The following MTA3 variants were observed in gnomAD, a reference collection of about 807,000 sequenced individuals.
The protein encoded by MTA3 is metastasis-associated protein MTA3.
A neutral mutation model predicts 83.5 loss-of-function variants in MTA3; 34 were observed. That is an observed-to-expected ratio of 0.41 (90% CI 0.31 to 0.54). MTA3 has a LOEUF of 0.54. Ranked by LOEUF, MTA3 falls within the 20% of genes least tolerant of loss-of-function variation. The pLI is 0.33. For missense variants in MTA3, 761 were observed against 726.4 expected, an observed-to-expected ratio of 1.05 and a Z score of -0.55; for synonymous variants, 303 against 252.7, an observed-to-expected ratio of 1.20 and a Z score of -1.89.
chr2:42,714,247 G>A (rs938456239), intron 14 of MTA3, among the ~76,000 whole-genome samples: 2 of 152,078 alleles, frequency 1.3e-5, no homozygotes, highest in Non-Finnish European at 2.9e-5. Context: ...TTACTGACTT[G>A]TGGGAACTTT....
intron 2 of MTA3, among the ~76,000 whole-genome samples, chr2:42,559,384 C>T (rs1286623137): frequency 1.3e-5 from 2 of 151,568 alleles, no homozygotes; most frequent in African/African-American, 4.9e-5. Flanking sequence ...CGCCTGTAAT[C>T]CCAGCTACTC....
chr2:42,577,226 C>T lies in MTA3; in HGVS notation c.97-1881C>T, dbSNP rs1246332818. On this transcript the variant is annotated intron_variant, in intron 2 of 16. Coordinates refer to ENST00000405094, the MANE Select transcript of MTA3 (RefSeq NM_001330442.2). ...TTAACAGTTGCAGACTGGCACTGGG[C>T]TGTAGACCCATGAGTAACCATGCTT... Among the ~76,000 whole-genome samples, 4 of 149,954 alleles carry T rather than the reference C, an allele frequency of 2.7e-5. No homozygotes were observed. The East Asian group carries it at 7.8e-4, about 29-fold the overall frequency.
chr2:42,738,019 T>C (rs937201378), intron 16 of MTA3, among the ~76,000 whole-genome samples: 2 of 152,152 alleles, frequency 1.3e-5, no homozygotes, highest in African/African-American at 4.8e-5. Flanking sequence ...CCCAACACTT[T>C]GGGAGGCCAA....
At chr2:42,526,479 A>G (rs979914569) in intron 2 of MTA3, among the ~76,000 whole-genome samples, 2 of 152,158 alleles carry the variant, frequency 1.3e-5, no homozygotes, top group Admixed American at 1.3e-4. Context: ...TATTGGCCCT[A>G]CCAACACTCA....
chr2:42,713,894 C>G (rs1166546941), intron 14 of MTA3, among the ~76,000 whole-genome samples: 1 of 152,142 alleles, frequency 6.6e-6, no homozygotes, highest in Admixed American at 6.5e-5. Flanking sequence ...GATATCATTT[C>G]ATACTGATGT....
chr2:42,657,800 C>T (rs1300047096), intron 7 of MTA3, among the ~76,000 whole-genome samples: 1 of 148,296 alleles, frequency 6.7e-6, no homozygotes, highest in Non-Finnish European at 1.5e-5. Context: ...GGCACAGTGG[C>T]TCACGCCGCC....
At chr2:42,632,524 A>G (rs1000558850) in intron 4 of MTA3, among the ~76,000 whole-genome samples, 11 of 152,130 alleles carry the variant, frequency 7.2e-5, no homozygotes, top group African/African-American at 1.2e-4. Flanking sequence ...GATCTTTCCA[A>G]TAGGTATTGA....
chr2:42,558,525 C>T (rs1677506779), intron 2 of MTA3, among the ~76,000 whole-genome samples: 2 of 151,510 alleles, frequency 1.3e-5, no homozygotes, highest in African/African-American at 2.4e-5. Context: ...GCTAGGATTA[C>T]AGGCATGAGG....
chr2:42,749,958 G>A (rs1669746687), intron 16 of MTA3, among the ~76,000 whole-genome samples: 1 of 152,040 alleles, frequency 6.6e-6, no homozygotes, highest in Admixed American at 6.6e-5. Context: ...TTTCTTCCCT[G>A]AGGATATTAA....
chr2:42,578,364 C>T (rs1461164218), intron 2 of MTA3, among the ~76,000 whole-genome samples: 5 of 152,070 alleles, frequency 3.3e-5, no homozygotes, highest in African/African-American at 1.2e-4. Flanking sequence ...TTTTTTGAAG[C>T]CATCATACTT....
intron 6 of MTA3, among the ~76,000 whole-genome samples, chr2:42,648,640 G>A (rs1488438943): frequency 6.6e-6 from 1 of 152,118 alleles, no homozygotes; most frequent in East Asian, 1.9e-4. Flanking sequence ...GATCTGAAAA[G>A]AGTATGTAGT....
At chr2:42,642,317 A>G (rs1429662206) in intron 5 of MTA3, among the ~76,000 whole-genome samples, 3 of 152,138 alleles carry the variant, frequency 2.0e-5, no homozygotes, top group African/African-American at 7.2e-5. Context: ...GTACCATGCT[A>G]ATAGGTTTTA....
intron 14 of MTA3, among the ~76,000 whole-genome samples, chr2:42,713,314 G>C (rs1050633919): frequency 6.6e-6 from 1 of 151,028 alleles, no homozygotes; most frequent in African/African-American, 2.5e-5. Context: ...GATGAAAAAT[G>C]TGTTTTATGA....
intron 8 of MTA3, among the ~76,000 whole-genome samples, chr2:42,673,721 A>C (rs1691059540): frequency 6.6e-6 from 1 of 152,202 alleles, no homozygotes; most frequent in Non-Finnish European, 1.5e-5. Flanking sequence ...AGCTGACTCC[A>C]GCTGATTTGT....
chr2:42,574,346 C>G (rs1370152545), intron 2 of MTA3, among the ~76,000 whole-genome samples: 5 of 149,110 alleles, frequency 3.4e-5, no homozygotes, highest in South Asian at 4.3e-4. Flanking sequence ...AGGCTGGTCT[C>G]GAACTCCCGA....
chr2:42,525,637 T>TC (rs1675673398), intron 2 of MTA3, among the ~76,000 whole-genome samples: 1 of 150,528 alleles, frequency 6.6e-6, no homozygotes, highest in African/African-American at 2.4e-5. Flanking sequence ...TTTCTTTCTT[T>TC]CTTTCTTTCT....
At chr2:42,681,303 C>G (rs1035212781) in intron 8 of MTA3, among the ~76,000 whole-genome samples, 2 of 152,074 alleles carry the variant, frequency 1.3e-5, no homozygotes, top group African/African-American at 4.8e-5. Flanking sequence ...TTTTGTTTTG[C>G]TTTTTCTGTG....
At chr2:42,682,744 A>G (rs1692038853) in intron 9 of MTA3, 155 bp downstream of exon 9, 2 of 694,090 alleles carry the variant, frequency 2.9e-6, no homozygotes, top group African/African-American at 3.6e-5. Context: ...AAAGGGAGAA[A>G]CTGATAATTG....
chr2:42,636,323 T>G (rs757720160), intron 4 of MTA3, among the ~76,000 whole-genome samples: 2 of 152,100 alleles, frequency 1.3e-5, no homozygotes, highest in African/African-American at 4.8e-5. Context: ...GAGGATCGCT[T>G]GAGCCAGGGA....
Sources: allele counts gnomAD v4.1 joint callset (sites outside exome capture counted in the v4.1 genomes callset), GRCh38; gene constraint gnomAD v4.1.1; transcripts MANE v1.5; gene names NCBI Gene and HGNC (gene_info 2026-07-23, HGNC 2026-07-21).